The following USH2A variants were observed in gnomAD, a reference collection of about 807,000 sequenced individuals.
The protein encoded by USH2A is Usher syndrome 2A (autosomal recessive, mild).
USH2A carries 443 observed loss-of-function variants against 538.9 expected under a neutral mutation model. The observed-to-expected ratio is 0.82, with a 90% CI of 0.76 to 0.89. The LOEUF (loss-of-function observed/expected upper bound fraction) is 0.89. Among genes scored for constraint, USH2A ranks in the 40% least tolerant of loss-of-function variants. The pLI is 0.00. For synonymous variants in USH2A, 2,413 were observed against 2,273.5 expected (o/e 1.06, Z -1.75); for missense variants, 6,633 against 6,324.8 (o/e 1.05, Z -1.65).
intron 13 of USH2A, among the ~76,000 whole-genome samples, chr1:216,244,237 T>C (rs906995485): frequency 6.6e-6 from 1 of 152,120 alleles, no homozygotes; most frequent in African/African-American, 2.4e-5. Flanking sequence ...CGGCTCTGCA[T>C]GTGACATGTG....
At chr1:215,826,380 A>C (rs1019376049) in intron 47 of USH2A, among the ~76,000 whole-genome samples, 10 of 152,240 alleles carry the variant, frequency 6.6e-5, no homozygotes, top group African/African-American at 2.4e-4. Context: ...TGCCCAAGAA[A>C]GCATCACTTG....
At chr1:216,144,291 T>C (rs1049952457) in intron 21 of USH2A, among the ~76,000 whole-genome samples, 7 of 151,906 alleles carry the variant, frequency 4.6e-5, no homozygotes, top group African/African-American at 1.7e-4. Context: ...AAGACTTCTC[T>C]TAGAATTTTA....
rs1174009953 is a variant in USH2A, at chr1:216,325,622, T to C, written c.849-23A>G. 4 of 1,609,388 alleles carry C rather than the reference T, an allele frequency of 2.5e-6. No individual in the cohort carries two copies. The East Asian group carries it at 9.0e-5, about 36-fold the overall frequency. On this transcript the variant is annotated intron_variant, in intron 5 of 71. Transcript: ENST00000307340. ...TCTCTGTGGGAGTCAAGAGGGAGAC[T>C]GTAAGGACAAAGAGCTTAACAGTAA... is the stretch of plus-strand genomic sequence containing the variant.
chr1:215,622,945 A>C lies in USH2A; in HGVS notation c.*2836T>G, dbSNP rs371566324. On this transcript the variant is annotated 3_prime_UTR_variant, in exon 72 of 72. Coordinates refer to ENST00000307340, the MANE Select transcript of USH2A (RefSeq NM_206933.4). ...AACCATCTTTAGATTAGTTTACATGATATTTGTGCATTGGAAACCAACTAT... is the reference window on the plus strand; with the variant it reads ...AACCATCTTTAGATTAGTTTACATGCTATTTGTGCATTGGAAACCAACTAT... 5 of 152,070 alleles carry C rather than the reference A, an allele frequency of 3.3e-5. No homozygotes were observed. Among genetic ancestry groups the C allele is most frequent in the African/African-American group, 1.2e-4 (5 of 41,422 alleles). The allele number at this position is 152,070 out of a possible 1,614,324, so 9.4% of individuals were successfully genotyped here.
intron 37 of USH2A, among the ~76,000 whole-genome samples, chr1:215,960,014 A>G (rs1667158495): frequency 6.6e-6 from 1 of 152,204 alleles, no homozygotes; most frequent in African/African-American, 2.4e-5. Context: ...GGCATTGTCT[A>G]CTAAGTACAG....
chr1:216,020,183 TAAATA>T (rs1668815601), intron 32 of USH2A, among the ~76,000 whole-genome samples: 1 of 152,232 alleles, frequency 6.6e-6, no homozygotes, highest in South Asian at 2.1e-4. Context: ...CTGATGATTT[TAAATA>T]AAATAATACA....
chr1:216,420,746 A>G (rs1231586446), intron 2 of USH2A, among the ~76,000 whole-genome samples: 1 of 152,186 alleles, frequency 6.6e-6, no homozygotes, highest in Non-Finnish European at 1.5e-5. Context: ...CTAGAATTTC[A>G]AACAGTAAGA....
rs138607917 is a variant in USH2A, at chr1:215,675,088, A to T, written c.12823T>A (p.Ser4275Thr). The T allele has an allele frequency of 1.1e-3, 1,741 of 1,614,140 alleles. No homozygotes were observed. The highest frequency in any genetic ancestry group is 1.3e-3 in the Non-Finnish European group (1,536 of 1,180,020). The change falls in exon 63 of 72, where the codon TCT becomes ACT. Residue 4275 changes from serine to threonine, a missense_variant. Coordinates refer to ENST00000307340, the MANE Select transcript of USH2A (RefSeq NM_206933.4). ...GLSPPVISYV[S>T]MNPQKLLISW... is the part of the protein sequence containing the mutation. ...ATCAGCAGTTTTTGGGGATTCATAG[A>T]AACATAGGATATCACAGGTGGAGAG...
intron 59 of USH2A, 101 bp from the exon 60 acceptor site, chr1:215,741,638 C>T (rs887092492): frequency 2.2e-6 from 3 of 1,350,274 alleles, no homozygotes; most frequent in African/African-American, 2.9e-5. Context: ...TTATTTTAAC[C>T]TGTCCTTTTG....
intron 69 of USH2A, 103 bp from the exon 70 acceptor site, chr1:215,634,806 GA>G: frequency 6.3e-7 from 1 of 1,593,384 alleles, no homozygotes; most frequent in East Asian, 2.2e-5. Context: ...GTTGAAAGCA[GA>G]AAGCAGTTTG....
At chr1:216,046,255 G>A (rs919017379) in intron 32 of USH2A, among the ~76,000 whole-genome samples, 176 bp downstream of exon 32, 15 of 151,758 alleles carry the variant, frequency 9.9e-5, no homozygotes, top group African/African-American at 3.4e-4. Context: ...GTTATACTAT[G>A]TTTTTAGAAT....
Position 216,217,534 on chromosome 1 carries a change from AATTACAAGGCTGAC to A in USH2A, c.2996_3009del (p.Cys999LeufsTer9). The A allele has an allele frequency of 1.2e-6, 2 of 1,613,082 alleles. No homozygotes were observed. The highest frequency in any genetic ancestry group is 1.7e-6 in the Non-Finnish European group (2 of 1,179,320). On this transcript the variant is annotated frameshift_variant and splice_region_variant, in exon 15 of 72. Coordinates refer to ENST00000307340, the MANE Select transcript of USH2A (RefSeq NM_206933.4). LOFTEE classifies it high-confidence loss of function. ...TCATTCAAGGCTCCTGAGAGATGAC[AATTACAAGGCTGAC>A]ATCTGAAAACAAGGCAAATAAACCA... is the stretch of plus-strand genomic sequence containing the variant.
chr1:216,382,281 G>T (rs1007285762), intron 3 of USH2A, among the ~76,000 whole-genome samples: 1 of 152,168 alleles, frequency 6.6e-6, no homozygotes, highest in Non-Finnish European at 1.5e-5. Context: ...ATAAGAAAAG[G>T]CTTCCTGAAA....
intron 61 of USH2A, among the ~76,000 whole-genome samples, chr1:215,696,713 A>T (rs1253078176): frequency 6.6e-6 from 1 of 152,100 alleles, no homozygotes; most frequent in Non-Finnish European, 1.5e-5. Context: ...TTATCAGCTT[A>T]AATTACAAAT....
intron 44 of USH2A, among the ~76,000 whole-genome samples, chr1:215,849,439 A>G (rs115225974): frequency 0.021 from 3,148 of 152,330 alleles, 132 homozygotes; most frequent in African/African-American, 0.072. Context: ...AGAAATGAGC[A>G]GAGTTAAAAA....
chr1:215,657,995 G>A (rs1307471098), intron 64 of USH2A, among the ~76,000 whole-genome samples: 12 of 147,176 alleles, frequency 8.2e-5, no homozygotes, highest in African/African-American at 3.0e-4. Context: ...GTGCAGTGGC[G>A]TGATCTCGGC....
Position 215,634,568 on chromosome 1 carries a change from A to G in USH2A, c.15188T>C (p.Leu5063Pro), listed in dbSNP as rs376816523. Residue 5063 changes from leucine (L) to proline (P), a missense_variant, in exon 70 of 72, where the codon CTA (leucine) becomes CCA (proline). Physicochemically the swap from Leu to Pro is moderately conservative, Grantham distance 98 (BLOSUM62 -3). Transcript: ENST00000307340. ...ILLAIFLSLI[L>P]QRKIHKEPYI... ...TGGCTCTTTGTGGATTTTTCTTTGT[A>G]GTATCAGGGACAGAAAAATGGCCAA... is the stretch of plus-strand genomic sequence containing the variant. The G allele has an allele frequency of 8.1e-6, 13 of 1,613,996 alleles. No homozygotes were observed. The highest frequency in any genetic ancestry group is 1.0e-5 in the Non-Finnish European group (12 of 1,180,030).
intron 13 of USH2A, among the ~76,000 whole-genome samples, chr1:216,245,871 G>A (rs1411536345): frequency 2.0e-5 from 3 of 152,116 alleles, no homozygotes; most frequent in Non-Finnish European, 2.9e-5. Flanking sequence ...ATAACTCAGA[G>A]CTAATATTGG....
intron 4 of USH2A, among the ~76,000 whole-genome samples, chr1:216,333,869 C>A (rs2037918841): frequency 6.6e-6 from 1 of 152,000 alleles, no homozygotes; most frequent in Non-Finnish European, 1.5e-5. Flanking sequence ...CAAAACTCTC[C>A]TTCAAAAATG....
Sources: gnomAD v4.1 joint callset for allele counts (sites outside exome capture counted in the v4.1 genomes callset) on GRCh38, gnomAD v4.1.1 for gene constraint, MANE v1.5 for transcripts, NCBI Gene and HGNC (gene_info 2026-07-23, HGNC 2026-07-21) for gene names.